Variants in STK32B observed in about 807,000 individuals in gnomAD.
STK32B encodes the protein serine/threonine-protein kinase 32B.
STK32B carries 43 observed loss-of-function variants against 52.6 expected under a neutral mutation model. The ratio of observed to expected loss-of-function variants is 0.82; its 90% CI spans 0.64 to 1.05. The LOEUF is 1.05. STK32B is among the 50% of genes least tolerant of loss of function. STK32B has a pLI of 0.00. For synonymous variants in STK32B, 238 were observed against 204.3 expected (o/e 1.17, Z -1.41); for missense variants, 621 against 534.6 (o/e 1.16, Z -1.59).
At chr4:5,179,536 A>G (rs554202415) in intron 3 of STK32B, among the ~76,000 whole-genome samples, 28 of 152,344 alleles carry the variant, frequency 1.8e-4, no homozygotes, top group Non-Finnish European at 4.4e-5. Context: ...TACATAAATG[A>G]TAGACTAGAT....
intron 3 of STK32B, among the ~76,000 whole-genome samples, chr4:5,325,084 G>T (rs80083491): frequency 7.9e-5 from 12 of 152,144 alleles, no homozygotes; most frequent in Non-Finnish European, 1.6e-4. Context: ...TGAGCATGAC[G>T]CACAGCCTCA....
At chr4:5,338,416 G>C (rs1168704982) in intron 4 of STK32B, among the ~76,000 whole-genome samples, 3 of 152,162 alleles carry the variant, frequency 2.0e-5, no homozygotes, top group African/African-American at 7.2e-5. Flanking sequence ...GTCACACCAG[G>C]GTAGAGTATG....
In STK32B at chr4:5,399,304, C is replaced by A. The variant is rs944848896; in HGVS notation, c.472+1060C>A. On this transcript the variant is annotated intron_variant, in intron 5 of 11. Transcript: ENST00000282908. The surrounding 1 kb of genome is among the most constrained non-coding windows in gnomAD (Gnocchi z 5.4). ...ACATTTTCTACGCAGCTCCCCCACC[C>A]TCCTTCCCCACCTCTGCAGGCTGAG... Among the ~76,000 whole-genome samples the A allele has an allele frequency of 6.6e-6, 1 of 152,180 alleles. No individual in the cohort carries two copies.
chr4:5,031,925 G>A, the STK32B span, among the ~76,000 whole-genome samples: 1,890 of 152,254 alleles, frequency 0.012, 40 homozygotes, highest in African/African-American at 0.043. Flanking sequence ...TGTCTATAGA[G>A]CACTTAGAAA....
chr4:5,291,219 T>C (rs972765710), intron 3 of STK32B, among the ~76,000 whole-genome samples: 2 of 152,108 alleles, frequency 1.3e-5, no homozygotes, highest in Non-Finnish European at 2.9e-5. Context: ...TAGCTGAAAT[T>C]TGGAAAATAA....
chr4:5,409,874 A>AG (rs1157665619), intron 5 of STK32B, among the ~76,000 whole-genome samples: 1 of 152,164 alleles, frequency 6.6e-6, no homozygotes, highest in Non-Finnish European at 1.5e-5. Flanking sequence ...TAAATGGAAC[A>AG]GAAAAAAAAT....
intron 4 of STK32B, among the ~76,000 whole-genome samples, chr4:5,366,584 C>T (rs778871087): frequency 1.3e-5 from 2 of 152,206 alleles, no homozygotes; most frequent in South Asian, 4.1e-4. Context: ...AGCAACCCTA[C>T]CGAGGAGGGC....
chr4:5,151,386 G>A (rs1194776976), intron 2 of STK32B, among the ~76,000 whole-genome samples: 1 of 152,152 alleles, frequency 6.6e-6, no homozygotes, highest in Non-Finnish European at 1.5e-5. Flanking sequence ...TGAATATTTT[G>A]GCTTTGCTGT....
At chr4:5,153,586 CA>C (rs1231820510) in intron 2 of STK32B, among the ~76,000 whole-genome samples, 1 of 150,902 alleles carries the variant, frequency 6.6e-6, no homozygotes. Context: ...CAAAAACATA[CA>C]AAAACATTTT....
intron 3 of STK32B, among the ~76,000 whole-genome samples, chr4:5,185,216 C>A (rs1157060830): frequency 1.3e-5 from 2 of 152,194 alleles, no homozygotes; most frequent in Non-Finnish European, 2.9e-5. Context: ...CACTGTTAAT[C>A]TGTTTTGTTT....
chr4:5,132,133 C>CAGCCA (rs1715814898), intron 1 of STK32B, among the ~76,000 whole-genome samples: 2 of 152,110 alleles, frequency 1.3e-5, no homozygotes, highest in African/African-American at 4.8e-5. Flanking sequence ...TGTAGTATTC[C>CAGCCA]TTGGTGTATA....
rs573785805 is a variant in STK32B at position 5,400,496 on chromosome 4, A to G, written c.472+2252A>G. ...CCTGCATCCAGTCTTCTCCCTCTCC[A>G]GCCTCCCATTTCATCGAAAAGTCTC... On this transcript the variant is annotated intron_variant, in intron 5 of 11. Coordinates refer to ENST00000282908, the MANE Select transcript of STK32B (RefSeq NM_018401.3). The surrounding 1 kb of genome is among the most constrained non-coding windows in gnomAD (Gnocchi z 6.1). 6.6e-6 allele frequency among the ~76,000 whole-genome samples: 1 copy of G among 152,028 alleles called. No homozygotes were observed. The highest frequency in any genetic ancestry group is 2.4e-5 in the African/African-American group (1 of 41,376).
At chr4:5,316,614 A>ATATATTATATATATAATATATAT (rs1730813088) in intron 3 of STK32B, among the ~76,000 whole-genome samples, 1 of 11,626 alleles carries the variant, frequency 8.6e-5, no homozygotes, top group Non-Finnish European at 1.1e-4. Context: ...AATATATATT[A>ATATATTATATATATAATATATAT]TATATTATAT....
chr4:5,170,473 C>A (rs1719278140), intron 3 of STK32B, among the ~76,000 whole-genome samples: 2 of 151,950 alleles, frequency 1.3e-5, no homozygotes, highest in South Asian at 4.2e-4. Context: ...CCCCACCCCA[C>A]AACAGTCTCT....
chr4:5,059,527 T>C (rs1360950384), intron 1 of STK32B, among the ~76,000 whole-genome samples: 6 of 152,194 alleles, frequency 3.9e-5, no homozygotes, highest in Non-Finnish European at 7.4e-5. Context: ...TTTTTAAATG[T>C]TAAATCAACT....
chr4:5,076,859 A>C (rs1024825673), intron 1 of STK32B, among the ~76,000 whole-genome samples: 4 of 152,242 alleles, frequency 2.6e-5, no homozygotes, highest in Non-Finnish European at 4.4e-5. Context: ...TCTGGATCAA[A>C]AGAGAAATAT....
chr4:5,107,337 C>A (rs1037508168), intron 1 of STK32B, among the ~76,000 whole-genome samples: 1 of 152,042 alleles, frequency 6.6e-6, no homozygotes, highest in Non-Finnish European at 1.5e-5. Flanking sequence ...TTATATATTA[C>A]AGTGTAATAA....
chr4:5,065,373 G>A (rs141431348), intron 1 of STK32B, among the ~76,000 whole-genome samples: 13 of 152,232 alleles, frequency 8.5e-5, no homozygotes, highest in Middle Eastern at 6.8e-3. Context: ...CCCCTTCTCC[G>A]TGAAGTCTGT....
intron 5 of STK32B, among the ~76,000 whole-genome samples, chr4:5,410,549 C>G (rs892874034): frequency 1.3e-5 from 2 of 152,102 alleles, no homozygotes; most frequent in Non-Finnish European, 2.9e-5. Flanking sequence ...AAGAGCAAGG[C>G]CTGCCCCTAC....
Sources: allele counts gnomAD v4.1 joint callset (sites outside exome capture counted in the v4.1 genomes callset), GRCh38; gene constraint gnomAD v4.1.1; non-coding constraint Gnocchi (gnomAD v3.1); transcripts MANE v1.5; gene names NCBI Gene and HGNC (gene_info 2026-07-23, HGNC 2026-07-21).